Variants in ERCC4 observed in about 807,000 individuals in gnomAD.
ERCC4 encodes ERCC excision repair 4, endonuclease catalytic subunit, also known as DNA repair endonuclease XPF.
In ERCC4, 65 loss-of-function variants were observed where a neutral mutation model predicts 76.9. The observed-to-expected ratio is 0.84, with a 90% CI of 0.69 to 1.04. The LOEUF (loss-of-function observed/expected upper bound fraction) is 1.04. ERCC4 is among the 50% of genes least tolerant of loss of function. The probability of loss-of-function intolerance (pLI) is 0.00; values close to 1 mark genes in which losing one functional copy is unlikely to be tolerated. For missense variants in ERCC4, 1,214 were observed against 1,128.2 expected (o/e 1.08, Z -1.09); for synonymous variants, 463 against 410.1 (o/e 1.13, Z -1.56).
rs766596368 is a variant in ERCC4, at chr16:13,947,935, C to G, written c.2339C>G (p.Ser780Cys). The change falls in exon 11 of 11, where the codon TCC becomes TGC. Residue 780 changes from serine (S) to cysteine (C), a missense_variant. Ser to Cys is a moderately radical substitution (Grantham distance 112). Coordinates refer to ENST00000311895, the MANE Select transcript of ERCC4 (RefSeq NM_005236.3). ...CGAGGTGCCTTGTTTCAGGAGATCT[C>G]CAGCAATGACATTAGTTCCAAACTC... Reference protein sequence around the residue: ...TSRGALFQEISSNDISSKLTL... With the variant: ...TSRGALFQEICSNDISSKLTL... 4.3e-6 allele frequency: 7 copies of G among 1,614,006 alleles called. No individual in the cohort carries two copies. The African/African-American group carries it at 6.7e-5, about 15-fold the overall frequency.
At chr16:13,929,121 A>G (rs986601153) in intron 4 of ERCC4, among the ~76,000 whole-genome samples, 1 of 152,186 alleles carries the variant, frequency 6.6e-6, no homozygotes, top group African/African-American at 2.4e-5. Flanking sequence ...CTTTTAATAG[A>G]ATGTGTATAT....
intron 2 of ERCC4, among the ~76,000 whole-genome samples, chr16:13,923,852 A>C (rs747648386): frequency 1.3e-5 from 2 of 152,106 alleles, no homozygotes; most frequent in Non-Finnish European, 2.9e-5. Context: ...TTTATTTTTT[A>C]AATTGATTTA....
chr16:13,947,803 T>C lies in ERCC4; in HGVS notation c.2207T>C (p.Leu736Ser). The part of the protein sequence containing the change: ...RKSISDLIGS[L>S]NNGRLYSQCI... The stretch of plus-strand genomic sequence containing the variant: ...AGTATCAGTGATTTAATCGGCTCTT[T>C]AAATAACGGCCGCCTCTACAGCCAG... Residue 736 changes from leucine (L) to serine (S), a missense_variant, in exon 11 of 11, where the codon TTA (leucine) becomes TCA (serine). Coordinates refer to ENST00000311895, the MANE Select transcript of ERCC4 (RefSeq NM_005236.3). 1 of 1,614,256 alleles carries C rather than the reference T, an allele frequency of 6.2e-7. No individual in the cohort carries two copies. Among genetic ancestry groups the C allele is most frequent in the Non-Finnish European group, 8.5e-7 (1 of 1,180,052 alleles).
intron 10 of ERCC4, among the ~76,000 whole-genome samples, chr16:13,946,500 C>T (rs144291010): frequency 1.1e-4 from 16 of 152,196 alleles, no homozygotes; most frequent in Admixed American, 7.2e-4. Context: ...CTTACGGGAT[C>T]ACTGTCTTAT....
At position 13,948,199 on chromosome 16, in the gene ERCC4, A is replaced by C. The variant is rs368064765; in HGVS notation, c.2603A>C (p.His868Pro). ...GCCAAAAACTGCCGCTCCTTGATGC[A>C]CCACGTTAAGAACATCGCAGAATTA... ...VNAKNCRSLM[H>P]HVKNIAELAA... Residue 868 changes from histidine to proline, a missense_variant, in exon 11 of 11, where the codon CAC becomes CCC. His to Pro is a moderately conservative substitution (Grantham distance 77). Transcript: ENST00000311895. The C allele has an allele frequency of 1.5e-5, 25 of 1,614,052 alleles. No homozygotes were observed. In the African/African-American group the frequency reaches 1.7e-4, roughly 11 times the overall value.
At position 13,937,784 on chromosome 16, in the gene ERCC4, C is replaced by T. The variant is rs763332387; in HGVS notation, c.1830C>T (p.Tyr610=). ...GKPLRVYFLI[Y]GGSTEEQRYL... ...CATGCAGGGTTTACTTTCTTATATA[C>T]GGAGGTTCAACTGAGGAACAACGCT... is the stretch of plus-strand genomic sequence containing the variant. The change falls in exon 9 of 11, where the codon TAC becomes TAT. Residue 610 remains tyrosine (Y), a synonymous_variant. Coordinates refer to ENST00000311895, the MANE Select transcript of ERCC4 (RefSeq NM_005236.3). 3.4e-5 allele frequency: 54 copies of T among 1,611,698 alleles called. No individual in the cohort carries two copies. Among genetic ancestry groups the T allele is most frequent in the Admixed American group, 3.0e-4 (18 of 59,986 alleles).
chr16:13,927,138 G>C (rs561451012), intron 3 of ERCC4, among the ~76,000 whole-genome samples: 2 of 152,232 alleles, frequency 1.3e-5, no homozygotes, highest in South Asian at 4.1e-4. Flanking sequence ...TTACTCAACA[G>C]GGAAATAAAG....
chr16:13,944,581 C>G (rs2032479365), intron 9 of ERCC4, 142 bp from the exon 10 acceptor site: 1 of 678,428 alleles, frequency 1.5e-6, no homozygotes, highest in South Asian at 1.6e-5. Flanking sequence ...ATATTTACTT[C>G]TAATATATTC....
At chr16:13,942,671 G>T (rs184768834) in intron 9 of ERCC4, among the ~76,000 whole-genome samples, 2 of 151,932 alleles carry the variant, frequency 1.3e-5, no homozygotes, top group Non-Finnish European at 2.9e-5. Context: ...CTTGCCTAAG[G>T]TCACGTGGCC....
chr16:13,939,946 G>A (rs1237554548), intron 9 of ERCC4, among the ~76,000 whole-genome samples: 1 of 152,174 alleles, frequency 6.6e-6, no homozygotes, highest in Non-Finnish European at 1.5e-5. Context: ...AGATAGAAAT[G>A]AGTGCACAGA....
In ERCC4 at chr16:13,920,351, C is replaced by T. The variant is rs1310684510; in HGVS notation, c.186C>T (p.Leu62=). ...HCHPACLVLV[L]NTQPAEEEYF... ...ACCCAGCCTGCCTGGTGCTGGTGCT[C>T]AACACGCAGCCGGCCGAGGAGGTGC... The change falls in exon 1 of 11, where the codon CTC becomes CTT. Residue 62 remains leucine (L), a synonymous_variant. Coordinates refer to ENST00000311895, the MANE Select transcript of ERCC4 (RefSeq NM_005236.3). 2 of 1,589,930 alleles carry T rather than the reference C, an allele frequency of 1.3e-6. No homozygotes were observed. The highest frequency in any genetic ancestry group is 1.3e-5 in the African/African-American group (1 of 74,722).
chr16:13,931,179 G>A lies in ERCC4; in HGVS notation c.973+289G>A, dbSNP rs188484549. ...GCAGTCCTCAACTTAGAAATAGGTT[G>A]TGTTCTGGAAGTTTAGTTGTTAAGA... On this transcript the variant is annotated intron_variant, in intron 5 of 10. Transcript: ENST00000311895. The A allele has an allele frequency of 2.0e-3, 733 of 371,736 alleles. 1 individual carries two copies. Among genetic ancestry groups the A allele is most frequent in the Non-Finnish European group, 2.6e-3 (524 of 203,926 alleles). The allele number at this position is 371,736 out of a possible 1,614,324, so 23.0% of individuals were successfully genotyped here.
chr16:13,933,097 G>A (rs3136131), intron 6 of ERCC4: 5,952 of 386,720 alleles, frequency 0.015, 334 homozygotes, highest in African/African-American at 0.12. Flanking sequence ...GCCTGGCGAG[G>A]TGATGTGCAC....
rs2032237780 is a variant in ERCC4, at chr16:13,934,186, C to T, written c.1103-6C>T. ...CATAGAATGAGATATTTTTATTTCT[C>T]TACAGAAACAAAAAAGGAACTGGTC... On this transcript the variant is annotated splice_polypyrimidine_tract_variant and splice_region_variant and intron_variant, in intron 6 of 10. Transcript: ENST00000311895. 1.3e-6 allele frequency: 2 copies of T among 1,572,076 alleles called. No homozygotes were observed. The highest frequency in any genetic ancestry group is 2.2e-5 in the East Asian group (1 of 44,556).
At chr16:13,936,001 T>C (rs1231610607) in intron 8 of ERCC4, among the ~76,000 whole-genome samples, 2 of 152,182 alleles carry the variant, frequency 1.3e-5, no homozygotes, top group Non-Finnish European at 2.9e-5. Flanking sequence ...TCTTTGGGTA[T>C]TGGTTTGCAT....
In ERCC4 at chr16:13,930,716, C is replaced by G; in HGVS notation, c.799C>G (p.Arg267Gly). 2 of 1,612,440 alleles carry G rather than the reference C, an allele frequency of 1.2e-6. No individual in the cohort carries two copies. The highest frequency in any genetic ancestry group is 2.2e-5 in the South Asian group (2 of 91,032). Residue 267 changes from arginine to glycine, a missense_variant, in exon 5 of 11, where the codon CGC becomes GGC. Arg to Gly is a moderately radical substitution (Grantham distance 125). Transcript: ENST00000311895. ...AATTTTATTCTTGTTTTAGACAATC[C>G]GCCATTATCTGGATCCTTTGTGGCA... is the stretch of plus-strand genomic sequence containing the variant. ...AIGKPFDKTI[R>G]HYLDPLWHQL...
rs959266739 is a variant in ERCC4, at chr16:13,951,426, A to T, written c.*3079A>T. 3 of 203,656 alleles carry T rather than the reference A, an allele frequency of 1.5e-5. No homozygotes were observed. Among genetic ancestry groups the T allele is most frequent in the African/African-American group, 2.3e-5 (1 of 43,742 alleles). 12.6% of individuals were successfully genotyped at this position (203,656 alleles called of 1,614,324 possible). A position where few individuals can be genotyped will look rare whatever the true frequency, so the allele number is the denominator to read the frequency against. ...AGAAATCATTTTAAGTTTCATTTAA[A>T]TCATGGTGCCTCTTTTGATACTTTC... On this transcript the variant is annotated 3_prime_UTR_variant, in exon 11 of 11. Coordinates refer to ENST00000311895, the MANE Select transcript of ERCC4 (RefSeq NM_005236.3).
At position 13,923,523 on chromosome 16, in the gene ERCC4, A is replaced by T. The variant is rs1171008641; in HGVS notation, c.388+1312A>T. On this transcript the variant is annotated intron_variant, in intron 2 of 10. Coordinates refer to ENST00000311895, the MANE Select transcript of ERCC4 (RefSeq NM_005236.3). ...CAATGAATGCTTCAATGGTAAACCG[A>T]CTGAAGAAGTTTGGTTACTCTTTTA... Among the ~76,000 whole-genome samples, 3 of 152,324 alleles carry T rather than the reference A, an allele frequency of 2.0e-5. No individual in the cohort carries two copies. The East Asian group carries it at 5.8e-4, about 29-fold the overall frequency.
intron 2 of ERCC4, 66 bp downstream of exon 2, chr16:13,922,277 C>T: frequency 9.1e-7 from 1 of 1,099,320 alleles, no homozygotes; most frequent in Admixed American, 1.9e-5. Context: ...GTACAATTTC[C>T]ATTTTATTTT....
Sources: gnomAD v4.1 joint callset for allele counts (sites outside exome capture counted in the v4.1 genomes callset) on GRCh38, gnomAD v4.1.1 for gene constraint, MANE v1.5 for transcripts, NCBI Gene and HGNC (gene_info 2026-07-23, HGNC 2026-07-21) for gene names.